The following KBTBD12 variants were observed in gnomAD, a reference collection of about 807,000 sequenced individuals.
KBTBD12 encodes kelch repeat and BTB domain-containing protein 12.
Under a neutral mutation model 58.7 loss-of-function variants are expected in KBTBD12, and 53 were observed. That is an observed-to-expected ratio of 0.90 (90% CI 0.72 to 1.14). The LOEUF (loss-of-function observed/expected upper bound fraction) is 1.14, where lower values mean the gene tolerates loss of function less well. Ranked by LOEUF, KBTBD12 falls within the 50% of genes most tolerant of loss-of-function variation. The pLI, the probability that KBTBD12 is intolerant of heterozygous loss-of-function variation, is 0.00. For synonymous variants in KBTBD12, 236 were observed against 259.8 expected (o/e 0.91, Z 0.88); for missense variants, 704 against 751.3 (o/e 0.94, Z 0.74).
chr3:127,932,063 A>G (rs570727184), intron 4 of KBTBD12, among the ~76,000 whole-genome samples: 1 of 152,144 alleles, frequency 6.6e-6, no homozygotes, highest in Non-Finnish European at 1.5e-5. Flanking sequence ...TGAGATAAGC[A>G]TATAAAGAAC....
chr3:127,984,435 G>C lies in KBTBD12; in HGVS notation c.*157G>C. The C allele has an allele frequency of 4.5e-6, 3 of 665,376 alleles. No individual in the cohort carries two copies. The allele number at this position is 665,376 out of a possible 1,614,324, so 41.2% of individuals were successfully genotyped here. A position where few individuals can be genotyped will look rare whatever the true frequency, so the allele number is the denominator to read the frequency against. ...TGCTGGGCACTGGGTGGGGAGCATG[G>C]GGAGTCTCCCTTCAGGGACTTCCCA... On this transcript the variant is annotated 3_prime_UTR_variant, in exon 6 of 6. Transcript: ENST00000405109.
chr3:127,948,311 C>T (rs1460006106), intron 4 of KBTBD12, among the ~76,000 whole-genome samples: 1 of 149,598 alleles, frequency 6.7e-6, no homozygotes, highest in Non-Finnish European at 1.5e-5. Context: ...CTTGGGGAGT[C>T]CCTAGTTCTG....
In KBTBD12 at chr3:127,987,450, C is replaced by T. The variant is rs2107621140; in HGVS notation, c.*3172C>T. 2 of 152,324 alleles carry T rather than the reference C, an allele frequency of 1.3e-5. No individual in the cohort carries two copies. Among genetic ancestry groups the T allele is most frequent in the East Asian group, 3.9e-4 (2 of 5,188 alleles). 9.4% of individuals were successfully genotyped at this position (152,324 alleles called of 1,614,324 possible). On this transcript the variant is annotated 3_prime_UTR_variant, in exon 6 of 6. Coordinates refer to ENST00000405109, the MANE Select transcript of KBTBD12 (RefSeq NM_207335.4). ...TGCATGATGGGCTCTTATAAAACTT[C>T]TACTATCTGCTAATTCTTATCTTTG...
At chr3:127,938,299 T>C (rs1939867561) in intron 4 of KBTBD12, among the ~76,000 whole-genome samples, 1 of 150,606 alleles carries the variant, frequency 6.6e-6, no homozygotes, top group South Asian at 2.1e-4. Flanking sequence ...GGGACAGGGG[T>C]GAGTGGAGTG....
At chr3:127,939,176 A>G (rs998896452) in intron 4 of KBTBD12, among the ~76,000 whole-genome samples, 1 of 152,210 alleles carries the variant, frequency 6.6e-6, no homozygotes, top group South Asian at 2.1e-4. Context: ...AATGATGACC[A>G]GCAAGAGCCA....
At chr3:127,932,431 G>C (rs1231306300) in intron 4 of KBTBD12, among the ~76,000 whole-genome samples, 1 of 152,106 alleles carries the variant, frequency 6.6e-6, no homozygotes, top group Non-Finnish European at 1.5e-5. Context: ...CTTAGCAAAA[G>C]CCCTGTCTGC....
At chr3:127,970,479 C>A (rs1480920925) in intron 5 of KBTBD12, among the ~76,000 whole-genome samples, 1 of 152,200 alleles carries the variant, frequency 6.6e-6, no homozygotes, top group Non-Finnish European at 1.5e-5. Context: ...ATGTTCACAG[C>A]AGCAGCATTC....
chr3:127,941,436 C>T (rs1408942554), intron 4 of KBTBD12, among the ~76,000 whole-genome samples: 1 of 152,158 alleles, frequency 6.6e-6, no homozygotes, highest in Admixed American at 6.5e-5. Flanking sequence ...ATAATCACAT[C>T]AATTGATGCC....
intron 5 of KBTBD12, among the ~76,000 whole-genome samples, chr3:127,979,193 A>G (rs992032704): frequency 6.6e-6 from 1 of 152,258 alleles, no homozygotes; most frequent in Non-Finnish European, 1.5e-5. Context: ...AATGCCTAGC[A>G]TATAATCCAA....
chr3:127,953,054 A>G (rs1218528241), intron 4 of KBTBD12, among the ~76,000 whole-genome samples: 1 of 152,246 alleles, frequency 6.6e-6, no homozygotes, highest in African/African-American at 2.4e-5. Flanking sequence ...TAAAATAAGG[A>G]TGATAATAAT....
chr3:127,934,479 T>C (rs1053856293), intron 4 of KBTBD12, among the ~76,000 whole-genome samples: 1 of 152,068 alleles, frequency 6.6e-6, no homozygotes, highest in Non-Finnish European at 1.5e-5. Flanking sequence ...AGATGTTTAA[T>C]GGGAATCCCA....
chr3:127,916,208 T>C (rs969980235), intron 1 of KBTBD12, among the ~76,000 whole-genome samples: 5 of 152,216 alleles, frequency 3.3e-5, no homozygotes, highest in African/African-American at 4.8e-5. Context: ...TTATCATCCA[T>C]GTGCCTGGCT....
chr3:127,949,141 G>A (rs918778263), intron 4 of KBTBD12, among the ~76,000 whole-genome samples: 3 of 152,168 alleles, frequency 2.0e-5, no homozygotes, highest in Admixed American at 6.5e-5. Flanking sequence ...TACTTACAGA[G>A]GCCTATACAA....
chr3:127,983,838 C>CCA (rs1234952469), intron 5 of KBTBD12, among the ~76,000 whole-genome samples: 1 of 152,146 alleles, frequency 6.6e-6, no homozygotes, highest in Non-Finnish European at 1.5e-5. Context: ...CACTCCCCTT[C>CCA]CATTTTCTGC....
intron 3 of KBTBD12, among the ~76,000 whole-genome samples, chr3:127,928,770 A>C (rs937854307): frequency 6.6e-6 from 1 of 152,264 alleles, no homozygotes; most frequent in African/African-American, 2.4e-5. Flanking sequence ...TCCTCATGGC[A>C]TAAAGTAAAT....
intron 4 of KBTBD12, among the ~76,000 whole-genome samples, chr3:127,935,092 A>C (rs1247203514): frequency 6.6e-6 from 1 of 152,150 alleles, no homozygotes; most frequent in Non-Finnish European, 1.5e-5. Context: ...ATGCTCCTCA[A>C]TTTACAGTGG....
In KBTBD12 at chr3:127,986,859, T is replaced by C. The variant is rs1940977586; in HGVS notation, c.*2581T>C. The C allele has an allele frequency of 6.6e-6, 1 of 152,372 alleles. No individual in the cohort carries two copies. The highest frequency in any genetic ancestry group is 1.5e-5 in the Non-Finnish European group (1 of 68,164). 9.4% of individuals were successfully genotyped at this position (152,372 alleles called of 1,614,324 possible). ...GGCGGCTGAGAGTTAAGCAAGGGTT[T>C]ACTCGGATCTGAGGCCCCCGATGCC... On this transcript the variant is annotated 3_prime_UTR_variant, in exon 6 of 6. Transcript: ENST00000405109.
chr3:127,937,377 A>C (rs1939853670), intron 4 of KBTBD12, among the ~76,000 whole-genome samples: 1 of 152,216 alleles, frequency 6.6e-6, no homozygotes, highest in African/African-American at 2.4e-5. Context: ...CAAGGGATGT[A>C]AAAATATATA....
rs116661914 is a variant in KBTBD12 at position 127,919,574 on chromosome 3, G to A, written c.-112-3376G>A. On this transcript the variant is annotated intron_variant, in intron 1 of 5. Coordinates refer to ENST00000405109, the MANE Select transcript of KBTBD12 (RefSeq NM_207335.4). ...TCTTTTCCCACTGAAGCAGGATTAG[G>A]AATTGTATTTGCTCTTCCCTCTCAT... Among the ~76,000 whole-genome samples the A allele has an allele frequency of 1.6e-3, 248 of 152,292 alleles. 1 individual carries two copies. The highest frequency in any genetic ancestry group is 5.6e-3 in the African/African-American group (234 of 41,564).
Sources: gnomAD v4.1 joint callset for allele counts (sites outside exome capture counted in the v4.1 genomes callset) on GRCh38, gnomAD v4.1.1 for gene constraint, MANE v1.5 for transcripts, NCBI Gene and HGNC (gene_info 2026-07-23, HGNC 2026-07-21) for gene names.